LRP2: variants seen among roughly 807,000 people sequenced by gnomAD.
LRP2 encodes LDL receptor related protein 2, also known as low-density lipoprotein receptor-related protein 2.
Under a neutral mutation model 531.0 loss-of-function variants are expected in LRP2, and 172 were observed. The observed-to-expected ratio is 0.32, with a 90% confidence interval of 0.29 to 0.37. LRP2 has a LOEUF of 0.37. Ranked by LOEUF, LRP2 falls within the 10% of genes least tolerant of loss-of-function variation. LRP2 has a pLI of 1.00. For synonymous variants in LRP2, 1,992 were observed against 2,027.6 expected (o/e 0.98, Z 0.47); for missense variants, 5,167 against 5,868.3 (o/e 0.88, Z 3.90).
rs143028579 is a variant in LRP2 at position 169,246,773 on chromosome 2, T to C, written c.3122A>G (p.Asn1041Ser). 475 of 1,614,186 alleles carry C rather than the reference T, an allele frequency of 2.9e-4. 1 individual carries two copies. The African/African-American group carries it at 5.5e-3, about 19-fold the overall frequency. Reference sequence around the variant, plus strand: ...ATCGACTCCATCACAGAGATAGTAATTGGGCACACATCTGCCATTTTTACA... The same window carrying C: ...ATCGACTCCATCACAGAGATAGTAACTGGGCACACATCTGCCATTTTTACA... ...FPCKNGRCVP[N>S]YYLCDGVDDC... The change falls in exon 21 of 79, where the codon AAT becomes AGT. Residue 1041 changes from asparagine (N) to serine (S), a missense_variant. Transcript: ENST00000649046.
At chr2:169,271,327 T>C (rs1474752002) in intron 15 of LRP2, among the ~76,000 whole-genome samples, 1 of 152,086 alleles carries the variant, frequency 6.6e-6, no homozygotes, top group African/African-American at 2.4e-5. Context: ...ATCTTCCTTC[T>C]TCCTAAGAAA....
chr2:169,212,355 C>T lies in LRP2; in HGVS notation c.6041-148G>A, dbSNP rs373614575. The T allele has an allele frequency of 3.6e-5, 34 of 949,176 alleles. No individual in the cohort carries two copies. The East Asian group carries it at 4.6e-4, about 13-fold the overall frequency. 58.8% of individuals were successfully genotyped at this position (949,176 alleles called of 1,614,324 possible). ...TGAGTTAGCAATCTAAAAACAACAT[C>T]GGAGAGACTAGAGCTTATACAATAA... is the stretch of plus-strand genomic sequence containing the variant. On this transcript the variant is annotated intron_variant, in intron 36 of 78. Transcript: ENST00000649046.
chr2:169,231,765 C>G lies in LRP2; in HGVS notation c.5176G>C (p.Val1726Leu), dbSNP rs1313322087. 6.2e-7 allele frequency: 1 copy of G among 1,613,972 alleles called. No homozygotes were observed. Among genetic ancestry groups the G allele is most frequent in the Non-Finnish European group, 8.5e-7 (1 of 1,180,006 alleles). Residue 1726 changes from valine (V) to leucine (L), a missense_variant, in exon 31 of 79, where the codon GTT (valine) becomes CTT (leucine). Coordinates refer to ENST00000649046, the MANE Select transcript of LRP2 (RefSeq NM_004525.3). ...SSQGPHFYSC[V>L]CPSGWSLSPD... Reference sequence around the variant, plus strand: ...GACAGACTCCATCCTGAAGGACAAACACAGGAGTAAAAATGAGGCCCCTGT... The same window carrying G: ...GACAGACTCCATCCTGAAGGACAAAGACAGGAGTAAAAATGAGGCCCCTGT...
At chr2:169,327,755 T>TGG (rs1187242894) in intron 1 of LRP2, among the ~76,000 whole-genome samples, 3 of 92,890 alleles carry the variant, frequency 3.2e-5, no homozygotes, top group East Asian at 3.7e-4. Context: ...GGGAGGGAGG[T>TGG]GGGGGGGTCA....
chr2:169,144,004 G>C (rs1034939802), intron 70 of LRP2, among the ~76,000 whole-genome samples: 85 of 152,150 alleles, frequency 5.6e-4, no homozygotes, highest in African/African-American at 1.8e-3. Context: ...AAACTTGAAT[G>C]TGCTATCCAT....
intron 62 of LRP2, among the ~76,000 whole-genome samples, chr2:169,165,434 G>C (rs1322702890): frequency 6.6e-6 from 1 of 152,100 alleles, no homozygotes; most frequent in Admixed American, 6.5e-5. Context: ...TTTCTCTTCT[G>C]GGAAATGAAC....
intron 3 of LRP2, among the ~76,000 whole-genome samples, chr2:169,316,433 CAAGT>C (rs1684765492): frequency 6.6e-6 from 1 of 152,060 alleles, no homozygotes; most frequent in Admixed American, 6.5e-5. Flanking sequence ...ACAAATTCAA[CAAGT>C]AAGAGAGCCT....
In LRP2 at chr2:169,188,173, C is replaced by T; in HGVS notation, c.9125G>A (p.Gly3042Glu). ...GACGAAGGTTTTACTAATGCAGCGC[C>T]CGTTCTGACAGGTAAACTGATTCTG... ...CQQNQFTCQN[G>E]RCISKTFVCD... Residue 3042 changes from glycine to glutamate, a missense_variant, in exon 49 of 79, where the codon GGG becomes GAG. This residue lies in a region of LRP2 where 1,129 missense variants were observed against 1,362.7 expected (regional missense o/e 0.83). Transcript: ENST00000649046. 6.2e-7 allele frequency: 1 copy of T among 1,614,134 alleles called. No individual in the cohort carries two copies. The highest frequency in any genetic ancestry group is 1.3e-5 in the African/African-American group (1 of 75,028).
In LRP2 at chr2:169,156,786, C is replaced by T. The variant is rs1276818881; in HGVS notation, c.12020-381G>A. On this transcript the variant is annotated intron_variant, in intron 64 of 78. Transcript: ENST00000649046. ...CACTTCTGCTAACCAGCTTCAGGAACAGGAGTCATTGATTTAGTTTTTCAA... is the reference window on the plus strand; with the variant it reads ...CACTTCTGCTAACCAGCTTCAGGAATAGGAGTCATTGATTTAGTTTTTCAA... Among the ~76,000 whole-genome samples the T allele has an allele frequency of 2.6e-5, 4 of 152,198 alleles. No individual in the cohort carries two copies. In the East Asian group the frequency reaches 7.7e-4, roughly 29 times the overall value.
chr2:169,357,289 T>TTTTA (rs1686016951), intron 1 of LRP2, among the ~76,000 whole-genome samples: 3 of 116,980 alleles, frequency 2.6e-5, no homozygotes, highest in African/African-American at 6.6e-5. Context: ...TTTTTATTTA[T>TTTTA]TTTTATTTTA....
rs748726443 is a variant in LRP2 at position 169,213,702 on chromosome 2, C to A, written c.5995G>T (p.Asp1999Tyr). Reference sequence around the variant, plus strand: ...AGACCCCTCAGATTTGGAACATTATCTCTCAAGACTATTTTGTTGGCCCCA... The same window carrying A: ...AGACCCCTCAGATTTGGAACATTATATCTCAAGACTATTTTGTTGGCCCCA... ...ATGANKIVLR[D>Y]NVPNLRGLQV... The change falls in exon 36 of 79, where the codon GAT becomes TAT. Residue 1999 changes from aspartate to tyrosine, a missense_variant. Asp to Tyr is a radical substitution (Grantham distance 160). Transcript: ENST00000649046. 5 of 1,613,698 alleles carry A rather than the reference C, an allele frequency of 3.1e-6. No homozygotes were observed. Among genetic ancestry groups the A allele is most frequent in the Non-Finnish European group, 3.4e-6 (4 of 1,179,834 alleles).
chr2:169,347,498 T>C (rs751122532), intron 1 of LRP2, among the ~76,000 whole-genome samples: 7 of 152,056 alleles, frequency 4.6e-5, no homozygotes, highest in Non-Finnish European at 8.8e-5. Flanking sequence ...TGAAAATTTA[T>C]AGATGACTGC....
intron 64 of LRP2, 24 bp from the exon 65 acceptor site, chr2:169,156,429 AC>A (rs1276362672): frequency 6.2e-7 from 1 of 1,613,026 alleles, no homozygotes; most frequent in Non-Finnish European, 8.5e-7. Context: ...AAAACCAAAT[AC>A]GCAACATCTG....
Position 169,156,424 on chromosome 2 carries a change from C to A in LRP2, c.12020-19G>T, listed in dbSNP as rs755264079. On this transcript the variant is annotated intron_variant, in intron 64 of 78. Transcript: ENST00000649046. ...TTGATATCTGTAGGCAAAATAAAACCAAATACGCAACATCTGTTCCCATCC... is the reference window on the plus strand; with the variant it reads ...TTGATATCTGTAGGCAAAATAAAACAAAATACGCAACATCTGTTCCCATCC... 6.2e-7 allele frequency: 1 copy of A among 1,612,884 alleles called. No individual in the cohort carries two copies. The highest frequency in any genetic ancestry group is 1.3e-5 in the African/African-American group (1 of 74,840).
chr2:169,188,740 T>A (rs1228829634), intron 48 of LRP2, among the ~76,000 whole-genome samples: 8 of 152,152 alleles, frequency 5.3e-5, no homozygotes, highest in Admixed American at 4.6e-4. Flanking sequence ...GGTAATCACA[T>A]GATAAAAGTG....
In LRP2 at chr2:169,257,920, A is replaced by G. The variant is rs142065693; in HGVS notation, c.2514-671T>C. 5.6e-3 allele frequency among the ~76,000 whole-genome samples: 859 copies of G among 152,160 alleles called. 9 individuals carry two copies. The Middle Eastern group carries it at 0.065, about 11-fold the overall frequency. ...GGAATCAAAATTATTCTTTTCCAAA[A>G]TGTAACTTTCTGAAATGTAACTACT... On this transcript the variant is annotated intron_variant, in intron 17 of 78. Coordinates refer to ENST00000649046, the MANE Select transcript of LRP2 (RefSeq NM_004525.3).
rs753760642 is a variant in LRP2, at chr2:169,182,372, A to G, written c.9846-53T>C. On this transcript the variant is annotated intron_variant, in intron 50 of 78. Transcript: ENST00000649046. ...ATACAGTCACTTTGTGAAATGGTACATATTTAGCCACCCAGTTTCCTACCC... is the reference window on the plus strand; with the variant it reads ...ATACAGTCACTTTGTGAAATGGTACGTATTTAGCCACCCAGTTTCCTACCC... 277 of 1,606,216 alleles carry G rather than the reference A, an allele frequency of 1.7e-4. 1 individual carries two copies. The highest frequency in any genetic ancestry group is 2.1e-4 in the Non-Finnish European group (253 of 1,178,656).
chr2:169,134,679 C>T (rs531334496), intron 76 of LRP2, among the ~76,000 whole-genome samples: 7 of 152,330 alleles, frequency 4.6e-5, no homozygotes, highest in Middle Eastern at 3.4e-3. Context: ...AACCCTCACT[C>T]TTGCAAAGGG....
intron 3 of LRP2, among the ~76,000 whole-genome samples, chr2:169,312,777 G>A (rs887515437): frequency 3.9e-5 from 6 of 152,258 alleles, no homozygotes; most frequent in East Asian, 3.9e-4. Flanking sequence ...AAGTTCTCCC[G>A]GATAATATCC....
Sources: gnomAD v4.1 joint callset for allele counts (sites outside exome capture counted in the v4.1 genomes callset) on GRCh38, gnomAD v4.1.1 for gene constraint, gnomAD v4.1.1 regional missense constraint, MANE v1.5 for transcripts, NCBI Gene and HGNC (gene_info 2026-07-23, HGNC 2026-07-21) for gene names.